The following DIP2B variants were observed in gnomAD, a reference collection of about 807,000 sequenced individuals.
The protein encoded by DIP2B is disco-interacting protein 2 homolog B.
In DIP2B, 76 loss-of-function variants were observed where a neutral mutation model predicts 198.0. That is an observed-to-expected ratio of 0.38 (90% CI 0.32 to 0.46). The LOEUF (loss-of-function observed/expected upper bound fraction) is 0.46, where lower values mean the gene tolerates loss of function less well. Ranked by LOEUF, DIP2B falls within the 20% of genes least tolerant of loss-of-function variation. The pLI is 0.99. For missense variants in DIP2B, 1,559 were observed against 1,978.4 expected (o/e 0.79, Z 4.02); for synonymous variants, 701 against 739.1 (o/e 0.95, Z 0.84).
At chr12:50,551,696 G>T (rs879368022) in intron 1 of DIP2B, among the ~76,000 whole-genome samples, 1 of 152,124 alleles carries the variant, frequency 6.6e-6, no homozygotes, top group Non-Finnish European at 1.5e-5. Context: ...TGCCCGCCTT[G>T]GCCTCCCAAA....
At chr12:50,691,975 G>A (rs1939229988) in intron 13 of DIP2B, among the ~76,000 whole-genome samples, 1 of 152,056 alleles carries the variant, frequency 6.6e-6, no homozygotes, top group Non-Finnish European at 1.5e-5. Context: ...TGAGGCGGGA[G>A]AATCACTTGC....
At chr12:50,597,814 C>CAT (rs1355571470) in intron 1 of DIP2B, among the ~76,000 whole-genome samples, 6 of 152,120 alleles carry the variant, frequency 3.9e-5, no homozygotes, top group African/African-American at 1.4e-4. Context: ...TCTTTGTGCA[C>CAT]ATAAAGTATG....
rs11169503 is a variant in DIP2B at position 50,591,737 on chromosome 12, G to T, written c.101-34239G>T. Reference sequence around the variant, plus strand: ...GGCCTCCCAAAGTGCTGGAATAACAGGCTTGAGCCACCGTGCCCAGCCATA... The same window carrying T: ...GGCCTCCCAAAGTGCTGGAATAACATGCTTGAGCCACCGTGCCCAGCCATA... On this transcript the variant is annotated intron_variant, in intron 1 of 37. Transcript: ENST00000301180. Among the ~76,000 whole-genome samples the T allele has an allele frequency of 8.6e-3, 1,300 of 151,858 alleles. 12 individuals carry two copies. Among genetic ancestry groups the T allele is most frequent in the African/African-American group, 0.03 (1,262 of 41,408 alleles).
intron 1 of DIP2B, among the ~76,000 whole-genome samples, chr12:50,617,159 CT>C (rs63059261): frequency 0.27 from 38,070 of 142,542 alleles, 5,210 homozygotes; most frequent in Non-Finnish European, 0.34. Context: ...GATCTTTTTG[CT>C]TTTTTTTTTT....
chr12:50,696,754 A>G (rs968671037), intron 16 of DIP2B, among the ~76,000 whole-genome samples: 1 of 152,198 alleles, frequency 6.6e-6, no homozygotes, highest in African/African-American at 2.4e-5. Flanking sequence ...GCTAAATTAT[A>G]AACTGGCTGC....
intron 1 of DIP2B, among the ~76,000 whole-genome samples, chr12:50,531,002 C>T (rs1284511304): frequency 6.6e-6 from 1 of 152,096 alleles, no homozygotes; most frequent in South Asian, 2.1e-4. Context: ...TAGCATGTAT[C>T]GCTGATAGTG....
intron 30 of DIP2B, among the ~76,000 whole-genome samples, chr12:50,729,792 C>T (rs565830724): frequency 1.3e-5 from 2 of 149,426 alleles, no homozygotes; most frequent in African/African-American, 4.9e-5. Context: ...TGCAGTGGTG[C>T]AGTCTCGGCT....
intron 28 of DIP2B, among the ~76,000 whole-genome samples, chr12:50,725,405 C>T (rs1018472273): frequency 2.6e-5 from 4 of 151,968 alleles, no homozygotes; most frequent in South Asian, 2.1e-4. Flanking sequence ...TGCTATACTT[C>T]GAAAGCCATA....
intron 5 of DIP2B, 68 bp downstream of exon 5, chr12:50,671,466 T>A (rs1938853258): frequency 1.3e-6 from 2 of 1,527,328 alleles, no homozygotes; most frequent in African/African-American, 1.4e-5. Flanking sequence ...CAGGAAATAG[T>A]TTATGGTTTG....
rs146802033 is a variant in DIP2B at position 50,574,518 on chromosome 12, A to G, written c.101-51458A>G. ...ATGCAGTATGCAGACCCTCCACTCAACGCAGCTTCAGCAGACAGCTTATGC... is the reference window on the plus strand; with the variant it reads ...ATGCAGTATGCAGACCCTCCACTCAGCGCAGCTTCAGCAGACAGCTTATGC... On this transcript the variant is annotated intron_variant, in intron 1 of 37. Coordinates refer to ENST00000301180, the MANE Select transcript of DIP2B (RefSeq NM_173602.3). Among the ~76,000 whole-genome samples the G allele has an allele frequency of 9.1e-4, 138 of 152,346 alleles. No individual in the cohort carries two copies. In the East Asian group the frequency reaches 0.022, roughly 24 times the overall value.
At chr12:50,713,949 T>A (rs1457585667) in intron 22 of DIP2B, among the ~76,000 whole-genome samples, 5 of 152,142 alleles carry the variant, frequency 3.3e-5, no homozygotes, top group Admixed American at 6.5e-5. Context: ...AAAATTATTT[T>A]AAATTAGCCA....
At chr12:50,722,403 G>A (rs1403622865) in intron 26 of DIP2B, among the ~76,000 whole-genome samples, 6 of 151,912 alleles carry the variant, frequency 3.9e-5, no homozygotes, top group African/African-American at 9.7e-5. Flanking sequence ...ACAGGCACAC[G>A]CCACCACGCC....
At position 50,680,686 on chromosome 12, in the gene DIP2B, A is replaced by C. The variant is rs1468690723; in HGVS notation, c.1129A>C (p.Arg377=). Residue 377 remains arginine, a synonymous_variant, in exon 9 of 38, where the codon AGA becomes CGA. Transcript: ENST00000301180. Reference sequence around the variant, plus strand: ...TTTTTTTCCAGGAAAGTTGTGGAGCAGAAGTTTAAAGTTGGCCTACACACT... The same window carrying C: ...TTTTTTTCCAGGAAAGTTGTGGAGCCGAAGTTTAAAGTTGGCCTACACACT... ...YTLTYGKLWS[R]SLKLAYTLLN... is the part of the protein sequence containing the mutation. 1.2e-6 allele frequency: 2 copies of C among 1,613,126 alleles called. No individual in the cohort carries two copies. Among genetic ancestry groups the C allele is most frequent in the Non-Finnish European group, 1.7e-6 (2 of 1,179,776 alleles).
At chr12:50,685,563 C>T (rs1486410895) in intron 10 of DIP2B, among the ~76,000 whole-genome samples, 2 of 152,152 alleles carry the variant, frequency 1.3e-5, no homozygotes, top group South Asian at 2.1e-4. Flanking sequence ...TCATTGCTGA[C>T]TCTTGAATAA....
intron 26 of DIP2B, among the ~76,000 whole-genome samples, chr12:50,722,176 C>T (rs1939848611): frequency 6.6e-6 from 1 of 152,144 alleles, no homozygotes; most frequent in Non-Finnish European, 1.5e-5. Flanking sequence ...CTAATCCACT[C>T]ATACATCCAG....
intron 3 of DIP2B, among the ~76,000 whole-genome samples, chr12:50,641,783 G>A (rs1432533767): frequency 6.6e-6 from 1 of 152,082 alleles, no homozygotes; most frequent in Admixed American, 6.6e-5. Flanking sequence ...CCTAGAGCAC[G>A]TGTGGTGCAG....
At chr12:50,692,609 A>G (rs897550387) in intron 13 of DIP2B, among the ~76,000 whole-genome samples, 1 of 152,136 alleles carries the variant, frequency 6.6e-6, no homozygotes, top group African/African-American at 2.4e-5. Context: ...AGGCCGAGGC[A>G]GGAGGATCAC....
intron 1 of DIP2B, among the ~76,000 whole-genome samples, chr12:50,568,707 A>G (rs1958587994): frequency 6.6e-6 from 1 of 152,124 alleles, no homozygotes; most frequent in South Asian, 2.1e-4. Context: ...CTAGTGGCTT[A>G]TTTTATTTAG....
intron 1 of DIP2B, among the ~76,000 whole-genome samples, chr12:50,623,353 G>A: frequency 6.9e-6 from 1 of 145,174 alleles, no homozygotes; most frequent in East Asian, 2.1e-4. Flanking sequence ...CTCCAGCCTG[G>A]GTGATAGAGG....
Sources: gnomAD v4.1 joint callset for allele counts (sites outside exome capture counted in the v4.1 genomes callset) on GRCh38, gnomAD v4.1.1 for gene constraint, MANE v1.5 for transcripts, NCBI Gene and HGNC (gene_info 2026-07-23, HGNC 2026-07-21) for gene names.